The following GRM1 variants were observed in gnomAD, a reference collection of about 807,000 sequenced individuals.
The protein encoded by GRM1 is glutamate metabotropic receptor 1, also known as metabotropic glutamate receptor 1.
Under a neutral mutation model 90.9 loss-of-function variants are expected in GRM1, and 33 were observed. That is an observed-to-expected ratio of 0.36 (90% CI 0.28 to 0.49). The LOEUF (loss-of-function observed/expected upper bound fraction) is 0.49. Ranked by LOEUF, GRM1 falls within the 20% of genes least tolerant of loss-of-function variation. GRM1 has a pLI of 0.99. For synonymous variants in GRM1, 700 were observed against 613.2 expected (o/e 1.14, Z -2.09); for missense variants, 1,190 against 1,534.3 (o/e 0.78, Z 3.75).
chr6:146,117,323 T>C (rs900548891), intron 1 of GRM1, among the ~76,000 whole-genome samples: 4 of 151,914 alleles, frequency 2.6e-5, no homozygotes, highest in Non-Finnish European at 4.4e-5. Context: ...CACTTTGTTA[T>C]TAATATATGG....
At chr6:146,032,865 A>G (rs1159764007) in intron 1 of GRM1, among the ~76,000 whole-genome samples, 1 of 152,110 alleles carries the variant, frequency 6.6e-6, no homozygotes, top group African/African-American at 2.4e-5. Context: ...TAATTGTGAG[A>G]TTATCTTGAA....
chr6:146,247,858 A>G (rs1282680528), intron 2 of GRM1, among the ~76,000 whole-genome samples: 1 of 148,360 alleles, frequency 6.7e-6, no homozygotes, highest in Non-Finnish European at 1.5e-5. Context: ...ATGTAACAAT[A>G]TATACTAATA....
intron 1 of GRM1, among the ~76,000 whole-genome samples, chr6:146,134,914 G>A (rs1776559302): frequency 6.6e-6 from 1 of 152,124 alleles, no homozygotes; most frequent in South Asian, 2.1e-4. Flanking sequence ...CTGGATGACA[G>A]AGCGTGACTC....
At chr6:146,249,609 C>T (rs907372411) in intron 2 of GRM1, among the ~76,000 whole-genome samples, 1 of 152,106 alleles carries the variant, frequency 6.6e-6, no homozygotes, top group Non-Finnish European at 1.5e-5. Context: ...AGAAGTCTAC[C>T]GCAGGGGTGG....
intron 1 of GRM1, among the ~76,000 whole-genome samples, chr6:146,102,456 C>T (rs1020956870): frequency 6.6e-6 from 1 of 152,176 alleles, no homozygotes; most frequent in Non-Finnish European, 1.5e-5. Context: ...TGTATCTTAT[C>T]CTGGTTAAAA....
At chr6:146,037,561 C>A (rs887869157) in intron 1 of GRM1, among the ~76,000 whole-genome samples, 1 of 151,920 alleles carries the variant, frequency 6.6e-6, no homozygotes, top group Non-Finnish European at 1.5e-5. Flanking sequence ...CTGTGTCTTT[C>A]CAACTTTGCT....
intron 1 of GRM1, among the ~76,000 whole-genome samples, chr6:146,049,714 G>A (rs1005681908): frequency 6.7e-6 from 1 of 150,198 alleles, no homozygotes; most frequent in Admixed American, 6.6e-5. Flanking sequence ...ATCTCATGTT[G>A]GTTCTGTCCC....
At chr6:146,049,518 G>C (rs1791447735) in intron 1 of GRM1, among the ~76,000 whole-genome samples, 1 of 151,924 alleles carries the variant, frequency 6.6e-6, no homozygotes, top group African/African-American at 2.4e-5. Flanking sequence ...CAGCTTCCCT[G>C]GTTCTCAGGC....
rs137878687 is a variant in GRM1, at chr6:146,227,897, T to G, written c.950+68300T>G. Among the ~76,000 whole-genome samples, 233 of 152,300 alleles carry G rather than the reference T, an allele frequency of 1.5e-3. 5 individuals are homozygous for G. Among genetic ancestry groups the G allele is most frequent in the East Asian group, 7.7e-4 (4 of 5,174 alleles). ...TGAACATTCATTCTGGCAAAACAAT[T>G]TATTCAGTTTTAGAGGGCATTATTA... On this transcript the variant is annotated intron_variant, in intron 2 of 7. Transcript: ENST00000282753.
chr6:146,063,900 C>G (rs1442361972), intron 1 of GRM1, among the ~76,000 whole-genome samples: 1 of 152,076 alleles, frequency 6.6e-6, no homozygotes, highest in Admixed American at 6.5e-5. Flanking sequence ...AAATTATTAT[C>G]TATGCTAATT....
intron 2 of GRM1, among the ~76,000 whole-genome samples, chr6:146,228,560 T>C (rs756923414): frequency 3.9e-4 from 60 of 152,144 alleles, no homozygotes; most frequent in Non-Finnish European, 5.4e-4. Context: ...ATTCAAACCA[T>C]AGCAACCGGG....
At chr6:146,281,224 A>T (rs1782554724) in intron 2 of GRM1, among the ~76,000 whole-genome samples, 1 of 152,148 alleles carries the variant, frequency 6.6e-6, no homozygotes, top group Non-Finnish European at 1.5e-5. Flanking sequence ...CAAATTCTCC[A>T]GCTCTTTTAT....
At chr6:146,347,264 C>T (rs1010435127) in intron 3 of GRM1, among the ~76,000 whole-genome samples, 1 of 152,194 alleles carries the variant, frequency 6.6e-6, no homozygotes, top group African/African-American at 2.4e-5. Flanking sequence ...ACTGCTGCTG[C>T]GTGCATGCAC....
intron 1 of GRM1, among the ~76,000 whole-genome samples, chr6:146,112,581 AG>A (rs1277996896): frequency 6.6e-6 from 1 of 152,168 alleles, no homozygotes; most frequent in African/African-American, 2.4e-5. Flanking sequence ...CCCTTGGTAA[AG>A]GTTTCTTCCT....
chr6:146,352,555 G>A (rs1785444254), intron 4 of GRM1, 59 bp downstream of exon 4: 3 of 1,544,954 alleles, frequency 1.9e-6, no homozygotes, highest in African/African-American at 1.4e-5. Flanking sequence ...CCAGACAGAT[G>A]GCAACTGTGG....
At chr6:146,164,930 C>G (rs929819914) in intron 2 of GRM1, among the ~76,000 whole-genome samples, 1 of 146,982 alleles carries the variant, frequency 6.8e-6, no homozygotes, top group Non-Finnish European at 1.5e-5. Flanking sequence ...CTGACTACAT[C>G]TTTTTTTTTT....
intron 1 of GRM1, among the ~76,000 whole-genome samples, chr6:146,088,925 G>A (rs1776630585): frequency 6.6e-6 from 1 of 152,008 alleles, no homozygotes; most frequent in African/African-American, 2.4e-5. Context: ...AATTTACCTA[G>A]CCTCCTTGAA....
intron 3 of GRM1, among the ~76,000 whole-genome samples, chr6:146,321,054 T>A (rs1784169473): frequency 6.6e-6 from 1 of 152,198 alleles, no homozygotes; most frequent in African/African-American, 2.4e-5. Flanking sequence ...GTTCTTTTAA[T>A]TGTGATGTTA....
At chr6:146,180,129 A>T (rs1029598386) in intron 2 of GRM1, among the ~76,000 whole-genome samples, 3 of 151,890 alleles carry the variant, frequency 2.0e-5, no homozygotes, top group African/African-American at 7.2e-5. Flanking sequence ...ATCCCAACTC[A>T]CCAAAAAACA....
Sources: allele counts gnomAD v4.1 joint callset (sites outside exome capture counted in the v4.1 genomes callset), GRCh38; gene constraint gnomAD v4.1.1; transcripts MANE v1.5; gene names NCBI Gene and HGNC (gene_info 2026-07-23, HGNC 2026-07-21).